Variants in SYNDIG1 observed in about 807,000 individuals in gnomAD.
SYNDIG1 encodes the protein synapse differentiation-inducing gene protein 1.
Under a neutral mutation model 19.4 loss-of-function variants are expected in SYNDIG1, and 9 were observed. The ratio of observed to expected loss-of-function variants is 0.46; its 90% CI spans 0.28 to 0.81. The LOEUF is 0.81. Ranked by LOEUF, SYNDIG1 falls within the 30% of genes least tolerant of loss-of-function variation. SYNDIG1 has a pLI of 0.12. For missense variants in SYNDIG1, 311 were observed against 343.3 expected (o/e 0.91, Z 0.74); for synonymous variants, 141 against 145.9 (o/e 0.97, Z 0.24).
chr20:24,539,594 G>A (rs892805717), intron 1 of SYNDIG1, among the ~76,000 whole-genome samples: 8 of 152,170 alleles, frequency 5.3e-5, no homozygotes, highest in African/African-American at 1.9e-4. Context: ...TGTTAGAATG[G>A]GTTTTTCTGT....
chr20:24,599,083 C>A (rs1422481975), intron 3 of SYNDIG1, among the ~76,000 whole-genome samples: 2 of 152,116 alleles, frequency 1.3e-5, no homozygotes, highest in East Asian at 3.9e-4. Context: ...TATTTGCAAA[C>A]TAGACATCTC....
intron 2 of SYNDIG1, among the ~76,000 whole-genome samples, chr20:24,545,480 G>A (rs546605311): frequency 5.6e-4 from 86 of 152,236 alleles, no homozygotes; most frequent in Non-Finnish European, 1.2e-3. Context: ...GCAGATGCAC[G>A]AAAATGCAGC....
intron 1 of SYNDIG1, among the ~76,000 whole-genome samples, chr20:24,505,451 A>G (rs1207832877): frequency 6.6e-6 from 1 of 152,162 alleles, no homozygotes; most frequent in Non-Finnish European, 1.5e-5. Context: ...CAAACCCCAG[A>G]TCTGCCCCCC....
At chr20:24,588,980 A>G in intron 3 of SYNDIG1, among the ~76,000 whole-genome samples, 1 of 152,008 alleles carries the variant, frequency 6.6e-6, no homozygotes. Flanking sequence ...GTGGGTGGGC[A>G]GATGAGGGCA....
intron 2 of SYNDIG1, among the ~76,000 whole-genome samples, chr20:24,553,437 G>A (rs1359395585): frequency 6.6e-6 from 1 of 152,142 alleles, no homozygotes; most frequent in Non-Finnish European, 1.5e-5. Context: ...GGTTTTTATG[G>A]TTTTAGGTCT....
intron 1 of SYNDIG1, among the ~76,000 whole-genome samples, chr20:24,503,585 G>GA (rs2056510211): frequency 6.6e-6 from 1 of 151,518 alleles, no homozygotes; most frequent in African/African-American, 2.4e-5. Context: ...CCCCCAATGG[G>GA]AATGCCTCCC....
At chr20:24,640,487 AAGG>A (rs1170181207) in intron 3 of SYNDIG1, among the ~76,000 whole-genome samples, 1 of 119,230 alleles carries the variant, frequency 8.4e-6, no homozygotes, top group Non-Finnish European at 1.9e-5. Context: ...GGAAGGAAGG[AAGG>A]AAGGAAGGAA....
intron 1 of SYNDIG1, among the ~76,000 whole-genome samples, chr20:24,537,155 C>G (rs531438656): frequency 1.3e-5 from 2 of 152,292 alleles, no homozygotes; most frequent in South Asian, 4.1e-4. Context: ...CCAGCCTCCT[C>G]CTCTGCTTCC....
chr20:24,564,219 G>T (rs2057998981), intron 2 of SYNDIG1, among the ~76,000 whole-genome samples: 1 of 152,156 alleles, frequency 6.6e-6, no homozygotes, highest in Non-Finnish European at 1.5e-5. Context: ...CAATATATTG[G>T]TGATGACAGT....
At chr20:24,622,085 G>C (rs987065170) in intron 3 of SYNDIG1, among the ~76,000 whole-genome samples, 1 of 152,290 alleles carries the variant, frequency 6.6e-6, no homozygotes. Flanking sequence ...TCAGATGTTG[G>C]AATTATCAGA....
chr20:24,527,314 C>T (rs1600525994), intron 1 of SYNDIG1, among the ~76,000 whole-genome samples: 2 of 152,092 alleles, frequency 1.3e-5, no homozygotes, highest in Non-Finnish European at 2.9e-5. Context: ...GTTTTTTACT[C>T]CAACAAAAAT....
intron 3 of SYNDIG1, among the ~76,000 whole-genome samples, chr20:24,651,266 A>T (rs1029478596): frequency 6.6e-6 from 1 of 152,206 alleles, no homozygotes; most frequent in African/African-American, 2.4e-5. Context: ...CATTCCCCAA[A>T]TATCATCTTA....
rs11474978 is a variant in SYNDIG1, at chr20:24,542,184, GAA to G, written c.-78-829_-78-828del. 3.1e-3 allele frequency among the ~76,000 whole-genome samples: 476 copies of G among 152,236 alleles called. 3 individuals are homozygous for G. The highest frequency in any genetic ancestry group is 0.011 in the African/African-American group (459 of 41,548). On this transcript the variant is annotated intron_variant, in intron 1 of 3. Coordinates refer to ENST00000376862, the MANE Select transcript of SYNDIG1 (RefSeq NM_024893.3). ...AAATTGAAAAAATTCACTTCAATAA[GAA>G]AAAAAAGTTGTTCTTTTAAAAAAAT...
chr20:24,646,903 G>A (rs1038746654), intron 3 of SYNDIG1, among the ~76,000 whole-genome samples: 2 of 152,152 alleles, frequency 1.3e-5, no homozygotes, highest in Non-Finnish European at 2.9e-5. Context: ...TTACAGGCAT[G>A]AGCCACCAAG....
At chr20:24,484,742 G>GA (rs1411404102) in intron 1 of SYNDIG1, among the ~76,000 whole-genome samples, 1 of 152,196 alleles carries the variant, frequency 6.6e-6, no homozygotes, top group Non-Finnish European at 1.5e-5. Context: ...ATGAAAAGTA[G>GA]AGCCTTTTCT....
intron 1 of SYNDIG1, among the ~76,000 whole-genome samples, chr20:24,504,514 C>T (rs1249144230): frequency 6.6e-6 from 1 of 152,190 alleles, no homozygotes. Flanking sequence ...GGATGCCACC[C>T]TCACCCTGGC....
intron 1 of SYNDIG1, among the ~76,000 whole-genome samples, chr20:24,483,814 C>T (rs1480468721): frequency 6.6e-6 from 1 of 152,162 alleles, no homozygotes; most frequent in Non-Finnish European, 1.5e-5. Context: ...CATTCAGAGG[C>T]CCTGCCTAGT....
At chr20:24,617,651 G>A (rs1212480049) in intron 3 of SYNDIG1, among the ~76,000 whole-genome samples, 1 of 151,956 alleles carries the variant, frequency 6.6e-6, no homozygotes, top group Non-Finnish European at 1.5e-5. Context: ...TGTCCTCTGA[G>A]ATTTACCACA....
rs776264584 is a variant in SYNDIG1, at chr20:24,543,263, A to C, written c.166A>C (p.Ser56Arg). 6.2e-7 allele frequency: 1 copy of C among 1,613,742 alleles called. No individual in the cohort carries two copies. Among genetic ancestry groups the C allele is most frequent in the South Asian group, 1.1e-5 (1 of 91,074 alleles). Residue 56 changes from serine to arginine, a missense_variant, in exon 2 of 4, where the codon AGC becomes CGC. Coordinates refer to ENST00000376862, the MANE Select transcript of SYNDIG1 (RefSeq NM_024893.3). ...GTACCAGAGCCACCGGGTGGGGGCC[A>C]GCACAGTGCCGGCCAGCCTGGACAG... is the stretch of plus-strand genomic sequence containing the variant. The part of the protein sequence containing the change: ...PQYQSHRVGA[S>R]TVPASLDSSR...
Sources: gnomAD v4.1 joint callset for allele counts (sites outside exome capture counted in the v4.1 genomes callset) on GRCh38, gnomAD v4.1.1 for gene constraint, MANE v1.5 for transcripts, NCBI Gene and HGNC (gene_info 2026-07-23, HGNC 2026-07-21) for gene names.